AP1B1: variants seen among roughly 807,000 people sequenced by gnomAD.
AP1B1 encodes AP-1 complex subunit beta-1.
In AP1B1, 36 loss-of-function variants were observed where a neutral mutation model predicts 104.3. The observed-to-expected ratio is 0.35, with a 90% CI of 0.26 to 0.46. The LOEUF is 0.46. Among genes scored for constraint, AP1B1 ranks in the 20% least tolerant of loss-of-function variants. The pLI is 1.00. For missense variants in AP1B1, 901 were observed against 1,247.9 expected (o/e 0.72, Z 4.19); for synonymous variants, 504 against 517.5 (o/e 0.97, Z 0.35).
At chr22:29,362,499 A>G (rs6006104) in intron 3 of AP1B1, among the ~76,000 whole-genome samples, 46,226 of 151,902 alleles carry the variant, frequency 0.3, 7,560 homozygotes, top group East Asian at 0.66. Context: ...GGCATGCGCC[A>G]CCATGCCCGG....
At chr22:29,385,727 G>A (rs2062511783) in intron 1 of AP1B1, among the ~76,000 whole-genome samples, 1 of 152,192 alleles carries the variant, frequency 6.6e-6, no homozygotes, top group African/African-American at 2.4e-5. Context: ...TAGGCAAAAA[G>A]ACCTGCTGAG....
intron 1 of AP1B1, among the ~76,000 whole-genome samples, chr22:29,377,635 C>G (rs1468566935): frequency 6.6e-6 from 1 of 151,936 alleles, no homozygotes; most frequent in Admixed American, 6.6e-5. Context: ...ATAGTGAAAC[C>G]TGTCTCTACT....
chr22:29,376,294 C>T (rs2062340039), intron 1 of AP1B1, among the ~76,000 whole-genome samples: 1 of 152,216 alleles, frequency 6.6e-6, no homozygotes, highest in African/African-American at 2.4e-5. Flanking sequence ...GCAGCCCATG[C>T]TCTTCAATCA....
At chr22:29,351,399 A>G in intron 8 of AP1B1, 133 bp from the exon 9 acceptor site, 1 of 1,103,796 alleles carries the variant, frequency 9.1e-7, no homozygotes, top group African/African-American at 1.5e-5. Context: ...AGAAGGCCCA[A>G]GGGAGAGAGC....
At chr22:29,331,616 C>A (rs1393916839) in intron 18 of AP1B1, 83 bp from the exon 19 acceptor site, 1 of 1,584,188 alleles carries the variant, frequency 6.3e-7, no homozygotes, top group Non-Finnish European at 8.7e-7. Context: ...TGAGCAGATT[C>A]TCTCCCAGGG....
At chr22:29,388,209 G>T (rs533273821) in intron 1 of AP1B1, among the ~76,000 whole-genome samples, 1 of 152,220 alleles carries the variant, frequency 6.6e-6, no homozygotes. Flanking sequence ...GGTGCTGCGG[G>T]TATGGGGCGG....
At chr22:29,339,630 A>G in intron 15 of AP1B1, 124 bp downstream of exon 15, 1 of 1,035,402 alleles carries the variant, frequency 9.7e-7, no homozygotes, top group South Asian at 1.5e-5. Context: ...ATGCTGGACC[A>G]AGGCAGGGGC....
intron 15 of AP1B1, 73 bp downstream of exon 15, chr22:29,339,681 C>A: frequency 6.5e-7 from 1 of 1,543,130 alleles, no homozygotes; most frequent in East Asian, 2.3e-5. Flanking sequence ...CGCCCCCGCC[C>A]CTTGGGATGC....
chr22:29,340,616 G>T (rs1255970509), intron 14 of AP1B1, 40 bp downstream of exon 14: 3 of 1,494,618 alleles, frequency 2.0e-6, no homozygotes, highest in Non-Finnish European at 2.7e-6. Context: ...CTCCTCTGAG[G>T]ATCATTATCA....
chr22:29,338,351 G>A (rs2061667000), intron 16 of AP1B1, among the ~76,000 whole-genome samples: 1 of 152,184 alleles, frequency 6.6e-6, no homozygotes, highest in Non-Finnish European at 1.5e-5. Context: ...CATTCACGGG[G>A]TCCAGGCTAC....
At chr22:29,337,863 G>C (rs1451478996) in intron 16 of AP1B1, among the ~76,000 whole-genome samples, 2 of 152,206 alleles carry the variant, frequency 1.3e-5, no homozygotes, top group Non-Finnish European at 2.9e-5. Flanking sequence ...CCCCGGGGCC[G>C]GTGCTTCTGC....
chr22:29,378,378 G>A (rs1433123598), intron 1 of AP1B1, among the ~76,000 whole-genome samples: 2 of 151,348 alleles, frequency 1.3e-5, no homozygotes, highest in Middle Eastern at 3.5e-3. Flanking sequence ...GCAACATGGC[G>A]AAACCCCATC....
chr22:29,354,619 C>T (rs201204161), intron 7 of AP1B1, 31 bp downstream of exon 7: 19 of 1,600,974 alleles, frequency 1.2e-5, no homozygotes, highest in Middle Eastern at 3.5e-4. Context: ...CCGAGGGGTA[C>T]GCATGGACGT....
intron 10 of AP1B1, among the ~76,000 whole-genome samples, chr22:29,349,676 G>A (rs2061844219): frequency 6.6e-6 from 1 of 152,100 alleles, no homozygotes; most frequent in South Asian, 2.1e-4. Flanking sequence ...ACCACATCCA[G>A]CTAATTTTTT....
At chr22:29,351,459 T>C in intron 8 of AP1B1, 193 bp from the exon 9 acceptor site, 1 of 838,544 alleles carries the variant, frequency 1.2e-6, no homozygotes, top group East Asian at 2.7e-5. Flanking sequence ...TGTTTGGGGT[T>C]GATTTAGCTA....
intron 1 of AP1B1, among the ~76,000 whole-genome samples, chr22:29,370,966 T>C (rs2062225665): frequency 6.6e-6 from 1 of 152,166 alleles, no homozygotes; most frequent in Admixed American, 6.5e-5. Flanking sequence ...GATGCAGAAA[T>C]GTATCCCTCT....
Position 29,341,549 on chromosome 22 carries a change from TC to T in AP1B1, c.1747del (p.Glu583ArgfsTer59). On this transcript the variant is annotated frameshift_variant, in exon 13 of 23. Coordinates refer to ENST00000357586, the MANE Select transcript of AP1B1 (RefSeq NM_001127.4). LOFTEE classifies it high-confidence loss of function. ...VYHKPPSAFV[E>X]GGRGVVHKSL... ...CTTGTGCACGACGCCCCGGCCCCCC[TC>T]CACAAAGGCACTGGGAGGCTTATGG... is the stretch of plus-strand genomic sequence containing the variant. 3 of 1,614,054 alleles carry T rather than the reference TC, an allele frequency of 1.9e-6. No individual in the cohort carries two copies. Among genetic ancestry groups the T allele is most frequent in the Non-Finnish European group, 2.5e-6 (3 of 1,179,988 alleles).
At chr22:29,387,816 A>C (rs2062553795) in intron 1 of AP1B1, among the ~76,000 whole-genome samples, 1 of 152,230 alleles carries the variant, frequency 6.6e-6, no homozygotes, top group Non-Finnish European at 1.5e-5. Context: ...TGTGAAGTTT[A>C]AATGTGTCAT....
At position 29,340,773 on chromosome 22, in the gene AP1B1, G is replaced by A; in HGVS notation, c.1881C>T (p.Asp627=). Residue 627 remains aspartate, a synonymous_variant, in exon 14 of 23, where the codon GAC becomes GAT. Coordinates refer to ENST00000357586, the MANE Select transcript of AP1B1 (RefSeq NM_001127.4). ...EQPDVIPAQG[D]LLGDLLNLDL... ...CCAGGTTGAGGAGGTCACCCAGCAG[G>A]TCGCCCTGGGCGGGGATGACATCTG... The A allele has an allele frequency of 1.3e-6, 2 of 1,599,776 alleles. No individual in the cohort carries two copies. The highest frequency in any genetic ancestry group is 1.7e-6 in the Non-Finnish European group (2 of 1,174,434).
Sources: allele counts gnomAD v4.1 joint callset (sites outside exome capture counted in the v4.1 genomes callset), GRCh38; gene constraint gnomAD v4.1.1; transcripts MANE v1.5; gene names NCBI Gene and HGNC (gene_info 2026-07-23, HGNC 2026-07-21).